Variants in TCF4 observed in about 807,000 individuals in gnomAD.
TCF4 encodes transcription factor 4.
Under a neutral mutation model 82.1 loss-of-function variants are expected in TCF4, and 3 were observed. The ratio of observed to expected loss-of-function variants is 0.04; its 90% CI spans 0.02 to 0.09. The LOEUF is 0.09. Among genes scored for constraint, TCF4 ranks in the 10% least tolerant of loss-of-function variants. The pLI is 1.00. For missense variants in TCF4, 518 were observed against 852.7 expected (o/e 0.61, Z 4.89); for synonymous variants, 276 against 309.6 (o/e 0.89, Z 1.14).
intron 3 of TCF4, among the ~76,000 whole-genome samples, chr18:55,480,308 G>T (rs1205283774): frequency 1.4e-5 from 2 of 141,524 alleles, no homozygotes; most frequent in Non-Finnish European, 3.1e-5. Flanking sequence ...CGGGGGGGCG[G>T]GGGGAGGATA....
At chr18:55,345,434 C>A (rs115934777) in intron 8 of TCF4, among the ~76,000 whole-genome samples, 3 of 152,152 alleles carry the variant, frequency 2.0e-5, no homozygotes, top group Admixed American at 2.0e-4. Flanking sequence ...TTATATATGC[C>A]GTGTAAATTG....
intron 8 of TCF4, among the ~76,000 whole-genome samples, chr18:55,340,306 C>T (rs2079603289): frequency 1.3e-5 from 2 of 152,114 alleles, no homozygotes; most frequent in African/African-American, 2.4e-5. Context: ...ATTTCCAACA[C>T]AAACTTTGCA....
chr18:55,337,256 TTTG>T (rs2078852973), intron 8 of TCF4, among the ~76,000 whole-genome samples: 1 of 152,166 alleles, frequency 6.6e-6, no homozygotes, highest in Non-Finnish European at 1.5e-5. Context: ...CTTCCCTGCT[TTTG>T]GGTTGTCAGA....
At chr18:55,308,497 G>C (rs2071145466) in intron 8 of TCF4, among the ~76,000 whole-genome samples, 1 of 152,218 alleles carries the variant, frequency 6.6e-6, no homozygotes, top group Non-Finnish European at 1.5e-5. Context: ...CAAAGGTCTT[G>C]TCTAACTGTA....
rs77010658 is a variant in TCF4 at position 55,255,242 on chromosome 18, G to A, written c.1147-542C>T. ...TGTTGAGTTTTTACCGGTGTTTCTG[G>A]CTTCCTGTCATCAAAACCAGTGGGT... On this transcript the variant is annotated intron_variant, in intron 14 of 19. Transcript: ENST00000354452. 8.7e-3 allele frequency among the ~76,000 whole-genome samples: 1,331 copies of A among 152,192 alleles called. 53 individuals are homozygous for A. Among genetic ancestry groups the A allele is most frequent in the Admixed American group, 0.074 (1,129 of 15,250 alleles).
At chr18:55,456,315 C>T (rs543674938) in intron 5 of TCF4, among the ~76,000 whole-genome samples, 5 of 152,332 alleles carry the variant, frequency 3.3e-5, no homozygotes, top group Non-Finnish European at 7.3e-5. Context: ...TAGAACCCAG[C>T]TACCCTATGG....
intron 3 of TCF4, among the ~76,000 whole-genome samples, chr18:55,546,455 T>C (rs1036305116): frequency 6.6e-6 from 1 of 152,226 alleles, no homozygotes; most frequent in Non-Finnish European, 1.5e-5. Flanking sequence ...AACAATATTA[T>C]TTTTACTGTA....
At chr18:55,504,559 T>C (rs1217431165) in intron 3 of TCF4, among the ~76,000 whole-genome samples, 1 of 152,262 alleles carries the variant, frequency 6.6e-6, no homozygotes, top group African/African-American at 2.4e-5. Flanking sequence ...CTAGTCATTT[T>C]AATCTGCCAA....
chr18:55,487,048 G>C (rs1354749293), intron 3 of TCF4, among the ~76,000 whole-genome samples: 1 of 152,128 alleles, frequency 6.6e-6, no homozygotes, highest in African/African-American at 2.4e-5. Flanking sequence ...ATTGCTTTGG[G>C]TATAAACTTA....
At chr18:55,231,101 T>C (rs894367185) in intron 17 of TCF4, 14 of 152,468 alleles carry the variant, frequency 9.2e-5, no homozygotes, top group Non-Finnish European at 1.8e-4. Context: ...TCCTCTGCCC[T>C]CACCCCCAAC....
intron 2 of TCF4, among the ~76,000 whole-genome samples, chr18:55,613,788 T>C (rs984939383): frequency 1.8e-4 from 27 of 152,164 alleles, no homozygotes; most frequent in African/African-American, 6.5e-4. Context: ...AAATCTCTCC[T>C]ACAACATTGG....
intron 5 of TCF4, among the ~76,000 whole-genome samples, chr18:55,427,747 A>C (rs2095045950): frequency 6.6e-6 from 1 of 152,214 alleles, no homozygotes; most frequent in African/African-American, 2.4e-5. Flanking sequence ...TATGTTCACC[A>C]CTATATTCAC....
intron 6 of TCF4, among the ~76,000 whole-genome samples, chr18:55,387,054 C>T (rs546715348): frequency 6.6e-6 from 1 of 152,174 alleles, no homozygotes; most frequent in South Asian, 2.1e-4. Flanking sequence ...AAGAAAAAGC[C>T]TGGGCTATAG....
At chr18:55,363,724 T>C (rs2086107198) in intron 6 of TCF4, among the ~76,000 whole-genome samples, 2 of 152,074 alleles carry the variant, frequency 1.3e-5, no homozygotes, top group Admixed American at 1.3e-4. Flanking sequence ...AAGAATCGCC[T>C]GAACCTGGGA....
intron 5 of TCF4, among the ~76,000 whole-genome samples, chr18:55,415,572 C>T (rs2094497982): frequency 6.6e-6 from 1 of 152,090 alleles, no homozygotes; most frequent in Non-Finnish European, 1.5e-5. Context: ...TACAGTCAGC[C>T]GATGAGTGGC....
chr18:55,510,776 C>T, intron 3 of TCF4: 4 of 1,243,254 alleles, frequency 3.2e-6, no homozygotes, highest in Non-Finnish European at 4.0e-6. Context: ...TAATGATGAC[C>T]GTAGATTTTA....
intron 8 of TCF4, among the ~76,000 whole-genome samples, chr18:55,333,071 T>C (rs1466826618): frequency 2.0e-5 from 3 of 152,348 alleles, no homozygotes; most frequent in Non-Finnish European, 4.4e-5. Flanking sequence ...TCAACATTCT[T>C]AACAAAGAAA....
intron 15 of TCF4, among the ~76,000 whole-genome samples, chr18:55,243,588 T>TTTTGTTTG (rs59538396): frequency 4.6e-5 from 7 of 151,568 alleles, no homozygotes; most frequent in South Asian, 2.1e-4. Flanking sequence ...CCAACTCGTT[T>TTTTGTTTG]TTTGTTTGTT....
intron 5 of TCF4, among the ~76,000 whole-genome samples, chr18:55,437,354 T>C (rs1172499706): frequency 6.6e-6 from 1 of 152,198 alleles, no homozygotes; most frequent in Non-Finnish European, 1.5e-5. Context: ...ATTAAATCTA[T>C]CAATTTGATG....
Sources: allele counts gnomAD v4.1 joint callset (sites outside exome capture counted in the v4.1 genomes callset), GRCh38; gene constraint gnomAD v4.1.1; transcripts MANE v1.5; gene names NCBI Gene and HGNC (gene_info 2026-07-23, HGNC 2026-07-21).